Variants in PSMB1 observed in about 807,000 individuals in gnomAD.
PSMB1 encodes proteasome subunit beta type-1.
In PSMB1, 7 loss-of-function variants were observed where a neutral mutation model predicts 25.4. The ratio of observed to expected loss-of-function variants is 0.28; its 90% CI spans 0.16 to 0.52. PSMB1 has a LOEUF of 0.52. Among genes scored for constraint, PSMB1 ranks in the 20% least tolerant of loss-of-function variants. The pLI, the probability that PSMB1 is intolerant of heterozygous loss-of-function variation, is 0.97. For missense variants in PSMB1, 284 were observed against 302.2 expected, an observed-to-expected ratio of 0.94 and a Z score of 0.45; for synonymous variants, 119 against 115.0, an observed-to-expected ratio of 1.03 and a Z score of -0.22.
At chr6:170,535,538 A>G (rs559675105) in intron 5 of PSMB1, 133 bp from the exon 6 acceptor site, 4 of 786,082 alleles carry the variant, frequency 5.1e-6, no homozygotes, top group Non-Finnish European at 7.9e-6. Flanking sequence ...AATGTCCTTC[A>G]GACTGAATAA....
chr6:170,551,101 C>T (rs546898434), intron 1 of PSMB1, among the ~76,000 whole-genome samples: 23 of 152,112 alleles, frequency 1.5e-4, no homozygotes, highest in Middle Eastern at 3.4e-3. Flanking sequence ...GAGATCGCAC[C>T]GCTGCACTCC....
chr6:170,552,786 A>G (rs1036568766), intron 1 of PSMB1, among the ~76,000 whole-genome samples: 4 of 152,268 alleles, frequency 2.6e-5, no homozygotes, highest in Non-Finnish European at 5.9e-5. Flanking sequence ...GGTCTTCCAC[A>G]GAGCAGAGGC....
chr6:170,539,083 A>G (rs1778728508), intron 4 of PSMB1, among the ~76,000 whole-genome samples: 1 of 152,256 alleles, frequency 6.6e-6, no homozygotes, highest in Non-Finnish European at 1.5e-5. Context: ...AAATCAGTAT[A>G]AAACAGCAAA....
At chr6:170,536,332 TAA>T (rs535670863) in intron 5 of PSMB1, 2 of 446,732 alleles carry the variant, frequency 4.5e-6, no homozygotes, top group African/African-American at 2.0e-5. Flanking sequence ...TATAAAAAGT[TAA>T]AGTGATCTCT....
At chr6:170,552,838 G>A (rs1778929311) in intron 1 of PSMB1, among the ~76,000 whole-genome samples, 1 of 152,268 alleles carries the variant, frequency 6.6e-6, no homozygotes, top group Non-Finnish European at 1.5e-5. Flanking sequence ...GCAGCAAGGA[G>A]CACGGAGTGG....
In PSMB1 at chr6:170,535,122, C is replaced by T; in HGVS notation, c.*98G>A. The T allele has an allele frequency of 9.4e-7, 1 of 1,068,746 alleles. No individual in the cohort carries two copies. Among genetic ancestry groups the T allele is most frequent in the South Asian group, 2.1e-5 (1 of 46,656 alleles). The allele number at this position is 1,068,746 out of a possible 1,614,324, so 66.2% of individuals were successfully genotyped here. On this transcript the variant is annotated 3_prime_UTR_variant, in exon 6 of 6. Transcript: ENST00000262193. ...AAGACAAGTTATAGCAAAATGAGTACTTCAGGTTTCTCTTTTAATAAACAA... is the reference window on the plus strand; with the variant it reads ...AAGACAAGTTATAGCAAAATGAGTATTTCAGGTTTCTCTTTTAATAAACAA...
chr6:170,545,181 G>A (rs80139108), intron 3 of PSMB1, among the ~76,000 whole-genome samples: 8,828 of 150,998 alleles, frequency 0.058, 317 homozygotes, highest in Middle Eastern at 0.14. Flanking sequence ...ATTTCATTTC[G>A]AAACCAAGCA....
At chr6:170,548,776 G>A (rs1220006589) in intron 2 of PSMB1, among the ~76,000 whole-genome samples, 1 of 152,092 alleles carries the variant, frequency 6.6e-6, no homozygotes, top group Non-Finnish European at 1.5e-5. Context: ...ATGCTGGGGT[G>A]AACACATTTA....
rs761244885 is a variant in PSMB1, at chr6:170,553,239, A to C, written c.4T>G (p.Leu2Val). M[L>V]SSTAMYSAPG... ...GCCGAATACATGGCTGTAGAGGACA[A>C]CATCGCACGGCTGCGCCTGCGGATC... The change falls in exon 1 of 6, where the codon TTG (leucine) becomes GTG (valine). Residue 2 changes from leucine to valine, a missense_variant. Physicochemically the swap from Leu to Val is conservative, Grantham distance 32 (BLOSUM62 1). Coordinates refer to ENST00000262193, the MANE Select transcript of PSMB1 (RefSeq NM_002793.4). 6.2e-6 allele frequency: 10 copies of C among 1,609,220 alleles called. No homozygotes were observed. The East Asian group carries it at 1.6e-4, about 25-fold the overall frequency.
chr6:170,540,588 C>CAAAGAAA (rs1778747031), intron 4 of PSMB1, among the ~76,000 whole-genome samples: 1 of 61,200 alleles, frequency 1.6e-5, no homozygotes, highest in African/African-American at 8.3e-5. Flanking sequence ...GAATGGACAG[C>CAAAGAAA]AAAAAAAAAA....
At chr6:170,546,551 C>T (rs1332720162) in intron 2 of PSMB1, among the ~76,000 whole-genome samples, 3 of 152,118 alleles carry the variant, frequency 2.0e-5, no homozygotes, top group South Asian at 2.1e-4. Flanking sequence ...CTGCAACTTC[C>T]GCCTCCTGGG....
At chr6:170,538,429 G>A (rs577520633) in intron 4 of PSMB1, among the ~76,000 whole-genome samples, 3 of 152,256 alleles carry the variant, frequency 2.0e-5, no homozygotes, top group East Asian at 1.9e-4. Context: ...GGCCAGGCGC[G>A]GTGGCTCACG....
intron 3 of PSMB1, 110 bp downstream of exon 3, chr6:170,545,993 T>C: frequency 1.2e-6 from 1 of 852,538 alleles, no homozygotes. Flanking sequence ...ATTCATCTAC[T>C]AACCTAGTGA....
chr6:170,539,414 C>T (rs1244186151), intron 4 of PSMB1, among the ~76,000 whole-genome samples: 2 of 151,838 alleles, frequency 1.3e-5, no homozygotes, highest in African/African-American at 2.4e-5. Flanking sequence ...TTGACACAGT[C>T]GAATGTAGTT....
intron 1 of PSMB1, 61 bp from the exon 2 acceptor site, chr6:170,549,174 G>A: frequency 1.1e-6 from 1 of 942,366 alleles, no homozygotes; most frequent in East Asian, 2.5e-5. Flanking sequence ...ACAAATAGAA[G>A]AATGCTCCAT....
intron 4 of PSMB1, among the ~76,000 whole-genome samples, chr6:170,540,445 G>GA: frequency 6.6e-6 from 1 of 151,704 alleles, no homozygotes; most frequent in Non-Finnish European, 1.5e-5. Context: ...CTCACCTCAG[G>GA]AAAAAAGATT....
intron 5 of PSMB1, chr6:170,536,636 TTAA>T (rs1343220836): frequency 1.1e-5 from 4 of 358,398 alleles, no homozygotes; most frequent in South Asian, 4.3e-5. Context: ...TATAATTTTC[TTAA>T]TAACATTCTC....
In PSMB1 at chr6:170,553,085, G is replaced by A. The variant is rs372026766; in HGVS notation, c.113+45C>T. On this transcript the variant is annotated intron_variant, in intron 1 of 5. Coordinates refer to ENST00000262193, the MANE Select transcript of PSMB1 (RefSeq NM_002793.4). ...GACTCCTAAATAGGCTTCAGCAGAT[G>A]GGGGAAGGGCGAAAGTGAAAGCCGC... 22 of 1,504,190 alleles carry A rather than the reference G, an allele frequency of 1.5e-5. No individual in the cohort carries two copies. In the African/African-American group the frequency reaches 1.8e-4, roughly 12 times the overall value. The allele number at this position is 1,504,190 out of a possible 1,614,324, so 93.2% of individuals were successfully genotyped here.
chr6:170,550,599 T>C (rs1412915509), intron 1 of PSMB1, among the ~76,000 whole-genome samples: 1 of 152,100 alleles, frequency 6.6e-6, no homozygotes, highest in African/African-American at 2.4e-5. Context: ...ATTTACAAAG[T>C]GGGGTTTTAG....
Sources: allele counts gnomAD v4.1 joint callset (sites outside exome capture counted in the v4.1 genomes callset), GRCh38; gene constraint gnomAD v4.1.1; transcripts MANE v1.5; gene names NCBI Gene and HGNC (gene_info 2026-07-23, HGNC 2026-07-21).